RASAL2: variants seen among roughly 807,000 people sequenced by gnomAD.
RASAL2 encodes ras GTPase-activating protein nGAP.
Under a neutral mutation model 128.9 loss-of-function variants are expected in RASAL2, and 58 were observed. The ratio of observed to expected loss-of-function variants is 0.45; its 90% confidence interval spans 0.36 to 0.56. The LOEUF is 0.56. Ranked by LOEUF, RASAL2 falls within the 20% of genes least tolerant of loss-of-function variation. The pLI, the probability that RASAL2 is intolerant of heterozygous loss-of-function variation, is 0.00. For synonymous variants in RASAL2, 561 were observed against 580.8 expected (o/e 0.97, Z 0.49); for missense variants, 1,360 against 1,601.6 (o/e 0.85, Z 2.57).
Position 178,473,112 on chromosome 1 carries a change from G to A in RASAL2, c.3716G>A (p.Arg1239Lys), listed in dbSNP as rs1648424971. 3 of 1,614,198 alleles carry A rather than the reference G, an allele frequency of 1.9e-6. No homozygotes were observed. Among genetic ancestry groups the A allele is most frequent in the South Asian group, 1.1e-5 (1 of 91,082 alleles). Reference protein sequence around the residue: ...RIVSLDSANTRLMSALTQVKE... With the variant: ...RIVSLDSANTKLMSALTQVKE... ...GTGTCCCTGGATTCAGCCAACACCA[G>A]ACTGATGAGCGCGCTGACCCAAGTG... The change falls in exon 18 of 18, where the codon AGA becomes AAA. Residue 1239 changes from arginine (R) to lysine (K), a missense_variant. Arg to Lys is a conservative substitution (Grantham distance 26). This residue lies in a region of RASAL2 where 741 missense variants were observed against 868.6 expected (regional missense o/e 0.85). Coordinates refer to ENST00000367649, the MANE Select transcript of RASAL2 (RefSeq NM_170692.4).
At chr1:178,341,664 G>A in intron 3 of RASAL2, 1 of 1,611,094 alleles carries the variant, frequency 6.2e-7, no homozygotes, top group South Asian at 1.1e-5. Context: ...TAAGGGGAAT[G>A]TGGCTTTTTA....
rs1351279831 is a variant in RASAL2, at chr1:178,263,061, A to G, written c.203-20503A>G. Among the ~76,000 whole-genome samples the G allele has an allele frequency of 2.0e-5, 3 of 152,200 alleles. No individual in the cohort carries two copies. In the East Asian group the frequency reaches 5.8e-4, roughly 29 times the overall value. On this transcript the variant is annotated intron_variant, in intron 1 of 17. Coordinates refer to ENST00000367649, the MANE Select transcript of RASAL2 (RefSeq NM_170692.4). ...TATCAGATGGAAATATGTTTTTGTT[A>G]GAGCAAATCTGTGCAGTACTTTTTT...
intron 1 of RASAL2, among the ~76,000 whole-genome samples, chr1:178,110,650 A>ATATG (rs146642908): frequency 3.4e-4 from 47 of 139,156 alleles, no homozygotes; most frequent in African/African-American, 9.0e-4. Context: ...ATATATATAT[A>ATATG]TATGTATGTA....
At chr1:178,334,787 T>G (rs908183726) in intron 3 of RASAL2, among the ~76,000 whole-genome samples, 1 of 152,168 alleles carries the variant, frequency 6.6e-6, no homozygotes, top group East Asian at 1.9e-4. Context: ...GTGAAATCCC[T>G]TCTTTACTGA....
rs6697205 is a variant in RASAL2, at chr1:178,205,921, A to G, written c.203-77643A>G. Among the ~76,000 whole-genome samples, 777 of 152,242 alleles carry G rather than the reference A, an allele frequency of 5.1e-3. 15 individuals carry two copies. The highest frequency in any genetic ancestry group is 0.018 in the African/African-American group (746 of 41,536). On this transcript the variant is annotated intron_variant, in intron 1 of 17. Transcript: ENST00000367649. ...TTCCTAGCTGATAAATCTAATGGCAACTTTTAACTCCACAACATTATTGAC... is the reference window on the plus strand; with the variant it reads ...TTCCTAGCTGATAAATCTAATGGCAGCTTTTAACTCCACAACATTATTGAC...
chr1:178,259,068 T>G (rs1665524715), intron 1 of RASAL2, among the ~76,000 whole-genome samples: 1 of 151,774 alleles, frequency 6.6e-6, no homozygotes, highest in East Asian at 1.9e-4. Flanking sequence ...AGATTAGTAG[T>G]TTCTTAGGGC....
At chr1:178,199,674 C>G (rs758022399) in intron 1 of RASAL2, among the ~76,000 whole-genome samples, 16 of 151,442 alleles carry the variant, frequency 1.1e-4, no homozygotes, top group Non-Finnish European at 1.6e-4. Flanking sequence ...TCATGACAAC[C>G]AATCTTCTGT....
At chr1:178,244,534 C>T (rs1366080499) in intron 1 of RASAL2, among the ~76,000 whole-genome samples, 1 of 152,180 alleles carries the variant, frequency 6.6e-6, no homozygotes, top group East Asian at 1.9e-4. Flanking sequence ...AGCCACTGTG[C>T]CCAGCCTATT....
chr1:178,125,211 T>C (rs1445384649), intron 1 of RASAL2: 1 of 152,238 alleles, frequency 6.6e-6, no homozygotes, highest in Non-Finnish European at 1.5e-5. Flanking sequence ...TGTTTTACAT[T>C]TCAGATCATT....
chr1:178,258,228 A>G (rs1189269345), intron 1 of RASAL2, among the ~76,000 whole-genome samples: 1 of 141,432 alleles, frequency 7.1e-6, no homozygotes, highest in Non-Finnish European at 1.5e-5. Context: ...CGGGAGGTGG[A>G]GTTTGCAGTG....
intron 3 of RASAL2, among the ~76,000 whole-genome samples, chr1:178,327,329 GTTTATTTTATT>G (rs1301520294): frequency 1.3e-5 from 2 of 152,068 alleles, no homozygotes; most frequent in Admixed American, 6.5e-5. Flanking sequence ...ATAAAATACA[GTTTATTTTATT>G]TTTATTTTAT....
rs949232024 is a variant in RASAL2 at position 178,476,564 on chromosome 1, T to A, written c.*3325T>A. 1 of 152,224 alleles carries A rather than the reference T, an allele frequency of 6.6e-6. No individual in the cohort carries two copies. Among genetic ancestry groups the A allele is most frequent in the Non-Finnish European group, 1.5e-5 (1 of 68,036 alleles). The allele number at this position is 152,224 out of a possible 1,614,324, so 9.4% of individuals were successfully genotyped here. A position where few individuals can be genotyped will look rare whatever the true frequency, so the allele number is the denominator to read the frequency against. On this transcript the variant is annotated 3_prime_UTR_variant, in exon 18 of 18. Coordinates refer to ENST00000367649, the MANE Select transcript of RASAL2 (RefSeq NM_170692.4). ...TGCTGCTATAGCTTTTTGCTTTTTT[T>A]CATATAGTATCAAGTTGGTCAGAAT... is the stretch of plus-strand genomic sequence containing the variant.
intron 1 of RASAL2, among the ~76,000 whole-genome samples, chr1:178,162,289 T>TTATATATA (rs554582730): frequency 0.021 from 2,568 of 122,238 alleles, 94 homozygotes; most frequent in African/African-American, 0.076. Context: ...TAAGATTTCT[T>TTATATATA]TATATATATA....
At chr1:178,336,054 A>G (rs370699987) in intron 3 of RASAL2, among the ~76,000 whole-genome samples, 1 of 152,138 alleles carries the variant, frequency 6.6e-6, no homozygotes, top group Non-Finnish European at 1.5e-5. Flanking sequence ...ACCTTGGGCA[A>G]GTTACTCACT....
At chr1:178,386,449 A>G (rs1355516657) in intron 3 of RASAL2, among the ~76,000 whole-genome samples, 1 of 152,200 alleles carries the variant, frequency 6.6e-6, no homozygotes, top group African/African-American at 2.4e-5. Context: ...TAAGAAAAAC[A>G]TCCAGATGTT....
At chr1:178,401,991 G>A (rs541890444) in intron 4 of RASAL2, among the ~76,000 whole-genome samples, 111 of 152,236 alleles carry the variant, frequency 7.3e-4, no homozygotes, top group African/African-American at 2.5e-3. Flanking sequence ...ATTTTTTACC[G>A]TTCTTCAACT....
chr1:178,281,634 A>T (rs1442617080), intron 1 of RASAL2, among the ~76,000 whole-genome samples: 1 of 152,180 alleles, frequency 6.6e-6, no homozygotes, highest in East Asian at 1.9e-4. Context: ...TAGGTCACCC[A>T]TGGCTAACTT....
At chr1:178,278,914 A>G (rs1571766306) in intron 1 of RASAL2, among the ~76,000 whole-genome samples, 1 of 152,116 alleles carries the variant, frequency 6.6e-6, no homozygotes, top group Non-Finnish European at 1.5e-5. Flanking sequence ...CCTTTCTCCC[A>G]TTACAAGGAA....
intron 1 of RASAL2, among the ~76,000 whole-genome samples, chr1:178,139,590 C>T (rs1000876767): frequency 5.3e-5 from 8 of 151,886 alleles, no homozygotes; most frequent in Admixed American, 4.6e-4. Context: ...TACCAAGAGT[C>T]GGAAAGTTAC....
Sources: allele counts gnomAD v4.1 joint callset (sites outside exome capture counted in the v4.1 genomes callset), GRCh38; gene constraint gnomAD v4.1.1; regional missense constraint gnomAD v4.1.1; transcripts MANE v1.5; gene names NCBI Gene and HGNC (gene_info 2026-07-23, HGNC 2026-07-21).